The following GRM5 variants were observed in gnomAD, a reference collection of about 807,000 sequenced individuals.
GRM5 encodes glutamate metabotropic receptor 5.
A neutral mutation model predicts 83.1 loss-of-function variants in GRM5; 19 were observed. The observed-to-expected ratio is 0.23, with a 90% CI of 0.16 to 0.34. The LOEUF (loss-of-function observed/expected upper bound fraction) is 0.34, where lower values mean the gene tolerates loss of function less well. GRM5 is among the 10% of genes least tolerant of loss of function. GRM5 has a pLI of 1.00. For missense variants in GRM5, 1,160 were observed against 1,588.3 expected (o/e 0.73, Z 4.58); for synonymous variants, 675 against 633.6 (o/e 1.07, Z -0.98).
At chr11:88,606,294 G>T (rs7121690) in intron 4 of GRM5, among the ~76,000 whole-genome samples, 6,648 of 152,226 alleles carry the variant, frequency 0.044, 276 homozygotes, top group African/African-American at 0.11. Flanking sequence ...AGGCTGAGGC[G>T]AGTGGATCAC....
rs187563518 is a variant in GRM5, at chr11:89,007,119, A to T, written c.661+40093T>A. Among the ~76,000 whole-genome samples the T allele has an allele frequency of 3.8e-4, 58 of 152,184 alleles. No individual in the cohort carries two copies. The East Asian group carries it at 7.2e-3, about 19-fold the overall frequency. On this transcript the variant is annotated intron_variant, in intron 2 of 9. Transcript: ENST00000305447. ...GCCCAAATCATTTTTAAAATCTTGC[A>T]TCAAGTGTGCCTATCCCACCCTTAT...
intron 2 of GRM5, among the ~76,000 whole-genome samples, chr11:89,038,555 A>T (rs1346046473): frequency 6.6e-6 from 1 of 152,226 alleles, no homozygotes; most frequent in East Asian, 1.9e-4. Context: ...ACTCACAAAG[A>T]GGTCTTCTGT....
intron 7 of GRM5, among the ~76,000 whole-genome samples, chr11:88,574,968 A>C (rs953983089): frequency 6.7e-6 from 1 of 150,158 alleles, no homozygotes; most frequent in African/African-American, 2.5e-5. Flanking sequence ...GAGGCTGTTA[A>C]TTGTAACTTT....
At chr11:88,612,321 T>G (rs993407649) in intron 4 of GRM5, among the ~76,000 whole-genome samples, 1 of 149,804 alleles carries the variant, frequency 6.7e-6, no homozygotes, top group Non-Finnish European at 1.5e-5. Flanking sequence ...GGCTGCATAG[T>G]ATTCCATGGT....
intron 3 of GRM5, among the ~76,000 whole-genome samples, chr11:88,735,596 C>CA (rs1287885901): frequency 5.9e-5 from 9 of 152,092 alleles, no homozygotes; most frequent in Admixed American, 4.6e-4. Context: ...CTGCTGCCTT[C>CA]ACGCCTGATA....
Position 88,508,955 on chromosome 11 carries a change from C to T in GRM5, c.3276G>A (p.Pro1092=), listed in dbSNP as rs1290931665. The T allele has an allele frequency of 1.9e-6, 3 of 1,593,124 alleles. No homozygotes were observed. Among genetic ancestry groups the T allele is most frequent in the Non-Finnish European group, 2.6e-6 (3 of 1,170,060 alleles). Residue 1092 remains proline, a synonymous_variant, in exon 10 of 10, where the codon CCG becomes CCA. Coordinates refer to ENST00000305447, the MANE Select transcript of GRM5 (RefSeq NM_001143831.3). This position sits in a 1 kb window ranked among gnomAD's most constrained non-coding sequence, Gnocchi z 4.2. ...TGGGGATCAGGTAGGACGAGCAGAG[C>T]GGGGCGCCGACGCCGGGGCTGGGGG... ...TAAPSPGVGA[P]LCSSYLIPKE... is the part of the protein sequence containing the mutation.
intron 3 of GRM5, among the ~76,000 whole-genome samples, chr11:88,750,008 A>G (rs1942231903): frequency 6.6e-6 from 1 of 152,168 alleles, no homozygotes; most frequent in South Asian, 2.1e-4. Context: ...GACCAGTGAC[A>G]CTATGAAGGA....
chr11:88,752,098 G>T (rs1433330121), intron 3 of GRM5, among the ~76,000 whole-genome samples: 2 of 152,240 alleles, frequency 1.3e-5, no homozygotes, highest in Middle Eastern at 6.8e-3. Context: ...GAAAGTTCTG[G>T]CCAGGGCAAT....
chr11:89,058,229 G>A (rs1160257169), intron 1 of GRM5, among the ~76,000 whole-genome samples: 2 of 152,186 alleles, frequency 1.3e-5, no homozygotes, highest in Admixed American at 6.5e-5. Flanking sequence ...AGGAAACTCT[G>A]TTTCCTAGCA....
At chr11:88,716,128 G>A (rs1309171733) in intron 3 of GRM5, among the ~76,000 whole-genome samples, 1 of 152,104 alleles carries the variant, frequency 6.6e-6, no homozygotes, top group South Asian at 2.1e-4. Context: ...GTAAGGCAGA[G>A]ATTTTGTTCT....
intron 2 of GRM5, among the ~76,000 whole-genome samples, chr11:89,001,181 T>A (rs1236727388): frequency 6.6e-6 from 1 of 152,024 alleles, no homozygotes; most frequent in East Asian, 1.9e-4. Context: ...CAAACTACAT[T>A]TTCCACTATC....
At chr11:88,566,671 G>C (rs1168567685) in intron 8 of GRM5, among the ~76,000 whole-genome samples, 3 of 152,126 alleles carry the variant, frequency 2.0e-5, no homozygotes, top group African/African-American at 7.2e-5. Flanking sequence ...TATAATCTTT[G>C]TTAGTAATAT....
chr11:88,925,747 A>G (rs945857329), intron 2 of GRM5: 6 of 453,680 alleles, frequency 1.3e-5, no homozygotes, highest in African/African-American at 1.2e-4. Flanking sequence ...CCACAACTCT[A>G]CTAAAAATAC....
rs530553277 is a variant in GRM5, at chr11:88,969,655, T to C, written c.661+77557A>G. Reference sequence around the variant, plus strand: ...AGCTCCATCAAGGATCAGATGTTTATAGCAGTAAGAATTCTGTATGATTAT... The same window carrying C: ...AGCTCCATCAAGGATCAGATGTTTACAGCAGTAAGAATTCTGTATGATTAT... On this transcript the variant is annotated intron_variant, in intron 2 of 9. Transcript: ENST00000305447. Among the ~76,000 whole-genome samples the C allele has an allele frequency of 5.9e-5, 9 of 152,264 alleles. No homozygotes were observed. In the South Asian group the frequency reaches 1.0e-3, roughly 18 times the overall value.
At chr11:88,978,403 G>C (rs1939406836) in intron 2 of GRM5, among the ~76,000 whole-genome samples, 1 of 146,898 alleles carries the variant, frequency 6.8e-6, no homozygotes, top group Non-Finnish European at 1.5e-5. Context: ...GGCTTCCCTG[G>C]GCCACACTGG....
chr11:88,579,843 A>C (rs939742128), intron 7 of GRM5, among the ~76,000 whole-genome samples: 4 of 152,230 alleles, frequency 2.6e-5, no homozygotes, highest in Admixed American at 2.6e-4. Context: ...TTTTGTAAAA[A>C]GATATCTCTG....
At chr11:88,988,111 A>G (rs1483025080) in intron 2 of GRM5, among the ~76,000 whole-genome samples, 1 of 149,080 alleles carries the variant, frequency 6.7e-6, no homozygotes, top group East Asian at 2.0e-4. Context: ...GAAAACTTTG[A>G]AAAAAATTTA....
intron 3 of GRM5, among the ~76,000 whole-genome samples, chr11:88,803,982 T>G (rs953926703): frequency 6.6e-6 from 1 of 150,710 alleles, no homozygotes; most frequent in Admixed American, 6.6e-5. Context: ...AAAACCACAA[T>G]GAGATACCAT....
chr11:88,986,617 T>C (rs963135125), intron 2 of GRM5, among the ~76,000 whole-genome samples: 3 of 151,814 alleles, frequency 2.0e-5, no homozygotes, highest in African/African-American at 7.3e-5. Context: ...CCTAGATATG[T>C]GGTTTGCAAA....
Sources: allele counts gnomAD v4.1 joint callset (sites outside exome capture counted in the v4.1 genomes callset), GRCh38; gene constraint gnomAD v4.1.1; non-coding constraint Gnocchi (gnomAD v3.1); transcripts MANE v1.5; gene names NCBI Gene and HGNC (gene_info 2026-07-23, HGNC 2026-07-21).